DPF3: variants seen among roughly 807,000 people sequenced by gnomAD.
The protein encoded by DPF3 is zinc finger protein DPF3.
In DPF3, 18 loss-of-function variants were observed where a neutral mutation model predicts 56.8. That is an observed-to-expected ratio of 0.32 (90% CI 0.22 to 0.47). The LOEUF (loss-of-function observed/expected upper bound fraction) is 0.47, where lower values mean the gene tolerates loss of function less well. DPF3 is among the 20% of genes least tolerant of loss of function. The pLI is 1.00. For synonymous variants in DPF3, 188 were observed against 180.2 expected, an observed-to-expected ratio of 1.04 and a Z score of -0.35; for missense variants, 403 against 488.8, an observed-to-expected ratio of 0.82 and a Z score of 1.65.
At chr14:72,759,014 T>C (rs375907246) in intron 2 of DPF3, among the ~76,000 whole-genome samples, 11 of 152,274 alleles carry the variant, frequency 7.2e-5, no homozygotes, top group African/African-American at 2.6e-4. Flanking sequence ...AACCCAGAAC[T>C]GAAACTGATA....
intron 5 of DPF3, among the ~76,000 whole-genome samples, chr14:72,714,872 A>G (rs10139937): frequency 0.11 from 17,493 of 152,164 alleles, 1,494 homozygotes; most frequent in African/African-American, 0.24. Context: ...CTACCGTGCC[A>G]CTGAGGCCGC....
intron 1 of DPF3, among the ~76,000 whole-genome samples, chr14:72,830,633 A>T (rs1054134652): frequency 1.1e-4 from 17 of 152,194 alleles, no homozygotes; most frequent in African/African-American, 3.9e-4. Flanking sequence ...GCATGTGACC[A>T]TCGGGAACGG....
intron 1 of DPF3, among the ~76,000 whole-genome samples, chr14:72,825,523 T>C (rs1883756792): frequency 1.3e-5 from 2 of 152,262 alleles, no homozygotes; most frequent in Non-Finnish European, 2.9e-5. Context: ...CAGGGCTTCT[T>C]TTCAGTTCTA....
chr14:72,876,763 C>T (rs72732443), intron 1 of DPF3, among the ~76,000 whole-genome samples: 13,772 of 152,304 alleles, frequency 0.09, 925 homozygotes, highest in East Asian at 0.19. Flanking sequence ...TCTGAAGCAT[C>T]CTCTGTCATC....
intron 1 of DPF3, among the ~76,000 whole-genome samples, chr14:72,800,759 T>TGGGTGGATACAC (rs1164538476): frequency 3.0e-4 from 45 of 151,586 alleles, no homozygotes; most frequent in African/African-American, 1.1e-3. Context: ...GATGGGTGCA[T>TGGGTGGATACAC]GGGTGGATGC....
At chr14:72,660,117 G>A (rs1886162524) in intron 8 of DPF3, among the ~76,000 whole-genome samples, 1 of 152,096 alleles carries the variant, frequency 6.6e-6, no homozygotes, top group South Asian at 2.1e-4. Flanking sequence ...TCCTAGAGAT[G>A]GATGGTGATG....
chr14:72,777,421 A>G (rs991468000), intron 1 of DPF3, among the ~76,000 whole-genome samples: 1 of 152,222 alleles, frequency 6.6e-6, no homozygotes, highest in Non-Finnish European at 1.5e-5. Flanking sequence ...GCATCTCTTG[A>G]AAGAAGACCA....
intron 1 of DPF3, among the ~76,000 whole-genome samples, chr14:72,800,302 T>C (rs757706168): frequency 1.3e-5 from 2 of 152,222 alleles, no homozygotes; most frequent in Non-Finnish European, 2.9e-5. Context: ...CAAGCCCATT[T>C]CCTCATTTAC....
intron 8 of DPF3, among the ~76,000 whole-genome samples, chr14:72,651,100 C>T (rs998254775): frequency 4.6e-5 from 7 of 152,224 alleles, no homozygotes; most frequent in African/African-American, 1.7e-4. Flanking sequence ...AAGTGACTTG[C>T]TCAGGGTACA....
At chr14:72,742,030 T>A (rs1236616507) in intron 3 of DPF3, among the ~76,000 whole-genome samples, 1 of 152,180 alleles carries the variant, frequency 6.6e-6, no homozygotes, top group Non-Finnish European at 1.5e-5. Flanking sequence ...ACAGACTTCG[T>A]CCCCCAGTCC....
chr14:72,747,345 A>G (rs7155802), intron 3 of DPF3, among the ~76,000 whole-genome samples: 4,370 of 152,258 alleles, frequency 0.029, 158 homozygotes, highest in Admixed American at 0.087. Context: ...GGGGGGTAAT[A>G]ACCCCAGCCA....
At chr14:72,838,905 A>ATATATATATATATATATATTTTTTTTTT in intron 1 of DPF3, among the ~76,000 whole-genome samples, 1 of 64,478 alleles carries the variant, frequency 1.6e-5, no homozygotes. Context: ...TATCATATAT[A>ATATATATATATATATATATTTTTTTTTT]TTCTTTTTTT....
chr14:72,619,622 TCTC>T (rs758758543), intron 10 of DPF3, among the ~76,000 whole-genome samples: 1 of 152,086 alleles, frequency 6.6e-6, no homozygotes, highest in Non-Finnish European at 1.5e-5. Context: ...CTGCGCCAGT[TCTC>T]CTGGAAGCTC....
intron 8 of DPF3, among the ~76,000 whole-genome samples, chr14:72,646,806 G>A (rs1339624490): frequency 6.6e-6 from 1 of 152,222 alleles, no homozygotes; most frequent in African/African-American, 2.4e-5. Context: ...CGACCCGGCT[G>A]CTCTCAAACT....
rs372049397 is a variant in DPF3, at chr14:72,726,846, T to TAA, written c.430-3120_430-3119dup. Among the ~76,000 whole-genome samples, 18 of 148,118 alleles carry TAA rather than the reference T, an allele frequency of 1.2e-4. 1 individual carries two copies. Among genetic ancestry groups the TAA allele is most frequent in the African/African-American group, 2.7e-4 (11 of 40,620 alleles). On this transcript the variant is annotated intron_variant, in intron 4 of 10. Coordinates refer to ENST00000556509, the MANE Select transcript of DPF3 (RefSeq NM_001280542.3). Reference sequence around the variant, plus strand: ...GATAACAGCGGTTTGTGGTTGTGTTTAAAAAAAAAAAATCCTTTTTAAAGA... The same window carrying TAA: ...GATAACAGCGGTTTGTGGTTGTGTTTAAAAAAAAAAAAAATCCTTTTTAAAGA...
chr14:72,736,707 TA>T (rs1243912707), intron 3 of DPF3, among the ~76,000 whole-genome samples: 2 of 152,148 alleles, frequency 1.3e-5, no homozygotes, highest in Non-Finnish European at 2.9e-5. Flanking sequence ...ATTGAGCCCT[TA>T]GGGATTTCAT....
intron 7 of DPF3, among the ~76,000 whole-genome samples, chr14:72,689,677 G>C (rs1887589830): frequency 6.6e-6 from 1 of 152,194 alleles, no homozygotes; most frequent in Non-Finnish European, 1.5e-5. Flanking sequence ...AAAATAGTCG[G>C]GGGGCTGCTC....
chr14:72,807,058 G>T (rs1463165270), intron 1 of DPF3, among the ~76,000 whole-genome samples: 1 of 152,146 alleles, frequency 6.6e-6, no homozygotes, highest in Non-Finnish European at 1.5e-5. Context: ...GGTCAGGGAG[G>T]TGAGTTTTCT....
chr14:72,695,546 A>G (rs114791268), intron 6 of DPF3, among the ~76,000 whole-genome samples: 9,153 of 152,272 alleles, frequency 0.06, 643 homozygotes, highest in African/African-American at 0.17. Flanking sequence ...TTCTGCATTA[A>G]TTCACTTAGG....
Sources: gnomAD v4.1 joint callset for allele counts (sites outside exome capture counted in the v4.1 genomes callset) on GRCh38, gnomAD v4.1.1 for gene constraint, MANE v1.5 for transcripts, NCBI Gene and HGNC (gene_info 2026-07-23, HGNC 2026-07-21) for gene names.